The following TSPAN9 variants were observed in gnomAD, a reference collection of about 807,000 sequenced individuals.
TSPAN9 encodes tetraspanin 9, also known as tetraspanin-9.
In TSPAN9, 16 loss-of-function variants were observed where a neutral mutation model predicts 31.0. The ratio of observed to expected loss-of-function variants is 0.52; its 90% CI spans 0.35 to 0.78. The LOEUF (loss-of-function observed/expected upper bound fraction) is 0.78, where lower values mean the gene tolerates loss of function less well. Ranked by LOEUF, TSPAN9 falls within the 30% of genes least tolerant of loss-of-function variation. The pLI is 0.01. For missense variants in TSPAN9, 272 were observed against 312.5 expected (o/e 0.87, Z 0.98); for synonymous variants, 145 against 121.6 (o/e 1.19, Z -1.27).
At chr12:3,235,800 C>A (rs2098393445) in intron 3 of TSPAN9, among the ~76,000 whole-genome samples, 1 of 152,226 alleles carries the variant, frequency 6.6e-6, no homozygotes, top group Admixed American at 6.5e-5. Context: ...CAGCCAGTGG[C>A]ACCTTCCCAG....
chr12:3,105,752 A>ACG (rs2098314068), intron 2 of TSPAN9, among the ~76,000 whole-genome samples: 2 of 67,260 alleles, frequency 3.0e-5, no homozygotes, highest in Non-Finnish European at 4.3e-5. Flanking sequence ...ACACACTCAC[A>ACG]CACACGCACA....
At chr12:3,263,485 T>G (rs549066021) in intron 3 of TSPAN9, among the ~76,000 whole-genome samples, 1 of 152,268 alleles carries the variant, frequency 6.6e-6, no homozygotes, top group Admixed American at 6.5e-5. Flanking sequence ...CTCTGGCCTG[T>G]ATGAGCAGGA....
intron 2 of TSPAN9, among the ~76,000 whole-genome samples, chr12:3,136,823 C>A (rs1194672724): frequency 6.6e-6 from 1 of 152,036 alleles, no homozygotes; most frequent in Admixed American, 6.5e-5. Flanking sequence ...CATAGTGTAC[C>A]CCTCAGCTGG....
chr12:3,256,735 A>T (rs1862354490), intron 3 of TSPAN9, among the ~76,000 whole-genome samples: 1 of 152,160 alleles, frequency 6.6e-6, no homozygotes, highest in African/African-American at 2.4e-5. Flanking sequence ...CCCCAAAGTC[A>T]CGACTATTTC....
At chr12:3,081,612 A>G (rs1389476804) in intron 1 of TSPAN9, among the ~76,000 whole-genome samples, 1 of 151,860 alleles carries the variant, frequency 6.6e-6, no homozygotes, top group African/African-American at 2.4e-5. Flanking sequence ...TGGCCTTTAT[A>G]TACTTCCTTG....
At chr12:3,157,295 G>T (rs1014457174) in intron 2 of TSPAN9, among the ~76,000 whole-genome samples, 2 of 152,088 alleles carry the variant, frequency 1.3e-5, no homozygotes, top group Admixed American at 6.5e-5. Context: ...TAGAGACGGG[G>T]TTTCACCGTG....
intron 2 of TSPAN9, among the ~76,000 whole-genome samples, chr12:3,126,365 A>G (rs2098327370): frequency 6.6e-6 from 1 of 152,198 alleles, no homozygotes; most frequent in Non-Finnish European, 1.5e-5. Flanking sequence ...TCTAGGGAAG[A>G]GCCTTTTGCT....
In TSPAN9 at chr12:3,136,587, C is replaced by T. The variant is rs573560864; in HGVS notation, c.-18+52868C>T. Reference sequence around the variant, plus strand: ...GGGTGGCTCTCCTTTTGTCGTGAAGCGGGTTTGCATGAGTAGGGTTGGAAG... The same window carrying T: ...GGGTGGCTCTCCTTTTGTCGTGAAGTGGGTTTGCATGAGTAGGGTTGGAAG... On this transcript the variant is annotated intron_variant, in intron 2 of 8. Coordinates refer to ENST00000011898, the MANE Select transcript of TSPAN9 (RefSeq NM_006675.5). Among the ~76,000 whole-genome samples the T allele has an allele frequency of 2.6e-4, 39 of 152,202 alleles. No homozygotes were observed. In the South Asian group the frequency reaches 7.5e-3, roughly 29 times the overall value.
intron 2 of TSPAN9, among the ~76,000 whole-genome samples, chr12:3,141,489 T>C (rs1218812993): frequency 2.6e-5 from 4 of 152,238 alleles, no homozygotes; most frequent in Non-Finnish European, 4.4e-5. Context: ...GGCCCACACA[T>C]CTTTCTAGGG....
At chr12:3,255,218 C>T (rs911373162) in intron 3 of TSPAN9, among the ~76,000 whole-genome samples, 3 of 152,230 alleles carry the variant, frequency 2.0e-5, no homozygotes, top group African/African-American at 2.4e-5. Context: ...CCGCCAGCTC[C>T]GGGCTTTTTA....
At chr12:3,281,459 A>G in intron 7 of TSPAN9, 130 bp downstream of exon 7, 1 of 1,317,810 alleles carries the variant, frequency 7.6e-7, no homozygotes, top group Non-Finnish European at 1.0e-6. Flanking sequence ...GGGGCTCACA[A>G]AAATAAAGCC....
chr12:3,267,788 C>T (rs1244319399), intron 3 of TSPAN9, among the ~76,000 whole-genome samples: 6 of 152,200 alleles, frequency 3.9e-5, no homozygotes, highest in Non-Finnish European at 7.3e-5. Context: ...GTGCCGGGGC[C>T]TCAGGCTGCC....
intron 2 of TSPAN9, among the ~76,000 whole-genome samples, chr12:3,133,870 G>C (rs1422229367): frequency 6.6e-6 from 1 of 152,164 alleles, no homozygotes; most frequent in Non-Finnish European, 1.5e-5. Flanking sequence ...CGGGGTAATG[G>C]CCAGACAGCC....
chr12:3,190,416 A>C (rs1230719120), intron 2 of TSPAN9, among the ~76,000 whole-genome samples: 1 of 152,184 alleles, frequency 6.6e-6, no homozygotes, highest in African/African-American at 2.4e-5. Context: ...ACTAATAACA[A>C]ATGCCTTCTT....
chr12:3,232,365 A>G (rs2098391189), intron 3 of TSPAN9, among the ~76,000 whole-genome samples: 2 of 152,056 alleles, frequency 1.3e-5, no homozygotes, highest in African/African-American at 4.8e-5. Flanking sequence ...TACCCCACTA[A>G]GAGATAAGGA....
intron 3 of TSPAN9, among the ~76,000 whole-genome samples, chr12:3,243,752 C>T (rs1257910355): frequency 2.0e-5 from 3 of 152,172 alleles, no homozygotes; most frequent in Admixed American, 6.5e-5. Context: ...CATGTAGGCC[C>T]CATTGATTTT....
intron 5 of TSPAN9, among the ~76,000 whole-genome samples, chr12:3,279,981 G>A (rs1193798446): frequency 6.6e-6 from 1 of 150,766 alleles, no homozygotes; most frequent in Non-Finnish European, 1.5e-5. Flanking sequence ...CCCAGGGTGT[G>A]TTTTGAGAGG....
intron 3 of TSPAN9, among the ~76,000 whole-genome samples, chr12:3,216,760 T>C (rs2098381636): frequency 1.3e-5 from 2 of 152,236 alleles, no homozygotes; most frequent in Non-Finnish European, 2.9e-5. Context: ...CTTTCTCTGC[T>C]TCCCAAAAAC....
rs56245215 is a variant in TSPAN9 at position 3,147,115 on chromosome 12, T to C, written c.-17-54062T>C. On this transcript the variant is annotated intron_variant, in intron 2 of 8. Transcript: ENST00000011898. The surrounding 1 kb of genome is among the most constrained non-coding windows in gnomAD (Gnocchi z 4.3). The stretch of plus-strand genomic sequence containing the variant: ...TCTCTCCCCTTTTCTCCTTACTTCC[T>C]TTCTGCAGGGTATGTAGTGAGATAT... 0.17 allele frequency among the ~76,000 whole-genome samples: 25,918 copies of C among 152,080 alleles called. 2,452 individuals carry two copies. The highest frequency in any genetic ancestry group is 0.22 in the Non-Finnish European group (15,184 of 67,960).
Sources: gnomAD v4.1 joint callset for allele counts (sites outside exome capture counted in the v4.1 genomes callset) on GRCh38, gnomAD v4.1.1 for gene constraint, Gnocchi (gnomAD v3.1) non-coding constraint, MANE v1.5 for transcripts, NCBI Gene and HGNC (gene_info 2026-07-23, HGNC 2026-07-21) for gene names.